Variants in ACSF3 observed in about 807,000 individuals in gnomAD.
ACSF3 encodes the protein acyl-CoA synthetase family member 3.
A neutral mutation model predicts 53.2 loss-of-function variants in ACSF3; 78 were observed. The ratio of observed to expected loss-of-function variants is 1.47; its 90% CI spans 1.22 to 1.77. ACSF3 has a LOEUF of 1.77. ACSF3 is among the 40% of genes most tolerant of loss of function. The probability of loss-of-function intolerance (pLI) is 0.00; values close to 1 mark genes in which losing one functional copy is unlikely to be tolerated. For missense variants in ACSF3, 937 were observed against 771.1 expected, an observed-to-expected ratio of 1.22 and a Z score of -2.55; for synonymous variants, 414 against 333.1, an observed-to-expected ratio of 1.24 and a Z score of -2.65.
At chr16:89,112,718 C>A (rs1904306584) in intron 5 of ACSF3, among the ~76,000 whole-genome samples, 1 of 152,182 alleles carries the variant, frequency 6.6e-6, no homozygotes, top group African/African-American at 2.4e-5. Flanking sequence ...GTCTGTCTGT[C>A]TGCTCTCTCT....
chr16:89,135,814 GC>G (rs1910328758), intron 8 of ACSF3, among the ~76,000 whole-genome samples: 1 of 152,198 alleles, frequency 6.6e-6, no homozygotes, highest in Admixed American at 6.5e-5. Flanking sequence ...TCGCTCTGTC[GC>G]CCAGTCTGCA....
Position 89,154,408 on chromosome 16 carries a change from C to A in ACSF3, c.*201C>A. On this transcript the variant is annotated 3_prime_UTR_variant, in exon 11 of 11. Coordinates refer to ENST00000614302, the MANE Select transcript of ACSF3 (RefSeq NM_001243279.3). ...GCCAGTTGTTGCAGCTCAAGGAGAC[C>A]GTCCCTGGTGTCACCTCTGCCTGGT... 2.9e-6 allele frequency: 2 copies of A among 681,364 alleles called. No homozygotes were observed. The highest frequency in any genetic ancestry group is 1.5e-5 in the South Asian group (1 of 66,576). 42.2% of individuals were successfully genotyped at this position (681,364 alleles called of 1,614,324 possible). A position where few individuals can be genotyped will look rare whatever the true frequency, so the allele number is the denominator to read the frequency against.
intron 1 of ACSF3, among the ~76,000 whole-genome samples, chr16:89,094,964 C>T (rs1235112036): frequency 2.0e-5 from 3 of 152,162 alleles, no homozygotes; most frequent in Admixed American, 6.5e-5. Flanking sequence ...TAGGAATTTG[C>T]TAGAAAGGGA....
intron 8 of ACSF3, among the ~76,000 whole-genome samples, chr16:89,142,647 C>G (rs1912047512): frequency 6.7e-6 from 1 of 149,436 alleles, no homozygotes; most frequent in Admixed American, 6.7e-5. Flanking sequence ...GCAGGCACAC[C>G]CACACCTGCA....
chr16:89,153,824 T>G, intron 10 of ACSF3: 1 of 518,462 alleles, frequency 1.9e-6, no homozygotes, highest in South Asian at 2.0e-5. Flanking sequence ...TCCTCAGGTG[T>G]GCCCTCGCCC....
At chr16:89,124,352 T>C (rs993373168) in intron 7 of ACSF3, among the ~76,000 whole-genome samples, 1 of 150,806 alleles carries the variant, frequency 6.6e-6, no homozygotes, top group African/African-American at 2.4e-5. Context: ...TGTATGTGTG[T>C]GATACCCCTG....
At chr16:89,096,997 G>A (rs1974694930) in intron 1 of ACSF3, among the ~76,000 whole-genome samples, 1 of 150,308 alleles carries the variant, frequency 6.7e-6, no homozygotes. Context: ...AGTTTGCCCA[G>A]CCCAGCTGTG....
chr16:89,143,892 G>A (rs1266152502), intron 8 of ACSF3, among the ~76,000 whole-genome samples: 1 of 152,170 alleles, frequency 6.6e-6, no homozygotes, highest in Non-Finnish European at 1.5e-5. Context: ...GGATGGATGG[G>A]GCCTTTCTGC....
In ACSF3 at chr16:89,100,810, C is replaced by A. The variant is rs147915828; in HGVS notation, c.129C>A (p.Ser43Arg). 1 of 1,612,808 alleles carries A rather than the reference C, an allele frequency of 6.2e-7. No homozygotes were observed. Among genetic ancestry groups the A allele is most frequent in the South Asian group, 1.1e-5 (1 of 91,080 alleles). Residue 43 changes from serine (S) to arginine (R), a missense_variant, in exon 3 of 11, where the codon AGC (serine) becomes AGA (arginine). By Grantham distance (110) the Ser-to-Arg change is moderately radical (BLOSUM62 -1). Transcript: ENST00000614302. ...HTAPVARSDR[S>R]APVFTRALAF... ...CCCCAGTGGCCCGCTCGGACAGGAG[C>A]GCCCCGGTGTTCACCCGTGCCCTGG...
chr16:89,133,223 AC>A lies in ACSF3; in HGVS notation c.1328del (p.Thr443IlefsTer62), dbSNP rs2151521127. On this transcript the variant is annotated frameshift_variant, in exon 8 of 11. Transcript: ENST00000614302. LOFTEE classifies it high-confidence loss of function. The stretch of plus-strand genomic sequence containing the variant: ...AGAATACTGGAATAAACCAGAAGAA[AC>A]TAAGAGTGCATTCACCCTGGATGGC... ...FREYWNKPEE[T>X]KSAFTLDGWF... 6.2e-7 allele frequency: 1 copy of A among 1,614,132 alleles called. No individual in the cohort carries two copies. The highest frequency in any genetic ancestry group is 8.5e-7 in the Non-Finnish European group (1 of 1,180,028).
chr16:89,117,383 C>G (rs1218501487), intron 6 of ACSF3, among the ~76,000 whole-genome samples: 2 of 152,198 alleles, frequency 1.3e-5, no homozygotes, highest in Admixed American at 1.3e-4. Context: ...ATGGCCCTCA[C>G]TAGAGAAGAT....
intron 8 of ACSF3, chr16:89,141,315 G>C (rs1911715934): frequency 7.8e-7 from 1 of 1,284,686 alleles, no homozygotes; most frequent in Admixed American, 2.3e-5. Context: ...TGGGCAGGGA[G>C]ATGTCGACCC....
At chr16:89,124,684 GCA>G (rs1005929650) in intron 7 of ACSF3, among the ~76,000 whole-genome samples, 58 of 52,370 alleles carry the variant, frequency 1.1e-3, no homozygotes, top group African/African-American at 3.5e-3. Context: ...TGTCACATAT[GCA>G]CACACTGCAT....
intron 3 of ACSF3, among the ~76,000 whole-genome samples, chr16:89,101,956 G>A (rs980390342): frequency 3.3e-5 from 5 of 152,244 alleles, no homozygotes; most frequent in African/African-American, 1.2e-4. Context: ...GTCACTCCTG[G>A]AAGCGGCGCG....
rs1210564027 is a variant in ACSF3 at position 89,100,693 on chromosome 16, T to C, written c.12T>C (p.His4=). MLP[H]VVLTFRRLGC... ...CGCCTGTCAGTGCAATGCTGCCCCA[T>C]GTGGTGCTCACCTTCCGGCGCCTGG... is the stretch of plus-strand genomic sequence containing the variant. Residue 4 remains histidine (H), a synonymous_variant, in exon 3 of 11, where the codon CAT becomes CAC. Coordinates refer to ENST00000614302, the MANE Select transcript of ACSF3 (RefSeq NM_001243279.3). The C allele has an allele frequency of 3.1e-6, 5 of 1,600,148 alleles. No individual in the cohort carries two copies. Among genetic ancestry groups the C allele is most frequent in the Middle Eastern group, 1.7e-4 (1 of 6,008 alleles).
intron 1 of ACSF3, among the ~76,000 whole-genome samples, chr16:89,096,241 G>A (rs1974601822): frequency 6.6e-6 from 1 of 152,204 alleles, no homozygotes; most frequent in Non-Finnish European, 1.5e-5. Context: ...GCTGGCTGAG[G>A]GTGGAAGCCC....
At chr16:89,125,216 G>A (rs1256074606) in intron 7 of ACSF3, among the ~76,000 whole-genome samples, 1 of 152,008 alleles carries the variant, frequency 6.6e-6, no homozygotes, top group Non-Finnish European at 1.5e-5. Flanking sequence ...GGTAGTGGGT[G>A]CCTGTAATCC....
intron 7 of ACSF3, among the ~76,000 whole-genome samples, chr16:89,129,731 A>G (rs1284947139): frequency 1.3e-5 from 2 of 152,016 alleles, no homozygotes; most frequent in African/African-American, 2.4e-5. Context: ...TTCATATTCC[A>G]TTTTAATTTG....
At position 89,102,612 on chromosome 16, in the gene ACSF3, G is replaced by A; in HGVS notation, c.675G>A (p.Gly225=). 1 of 1,613,708 alleles carries A rather than the reference G, an allele frequency of 6.2e-7. No homozygotes were observed. The highest frequency in any genetic ancestry group is 8.5e-7 in the Non-Finnish European group (1 of 1,180,026). ...GCTCTCGTCCCCTGCAGGTGACCGG[G>A]CTGGTCCACAAGTGGGCATGGACCA... ...THQNIRAVVT[G]LVHKWAWTKD... is the part of the protein sequence containing the mutation. Residue 225 remains glycine, a synonymous_variant, in exon 4 of 11, where the codon GGG becomes GGA. Coordinates refer to ENST00000614302, the MANE Select transcript of ACSF3 (RefSeq NM_001243279.3).
Sources: gnomAD v4.1 joint callset for allele counts (sites outside exome capture counted in the v4.1 genomes callset) on GRCh38, gnomAD v4.1.1 for gene constraint, MANE v1.5 for transcripts, NCBI Gene and HGNC (gene_info 2026-07-23, HGNC 2026-07-21) for gene names.